Variants in ANKRD31 observed in about 807,000 individuals in gnomAD.
ANKRD31 encodes ankyrin repeat domain-containing protein 31.
In ANKRD31, 147 loss-of-function variants were observed where a neutral mutation model predicts 186.0. That is an observed-to-expected ratio of 0.79 (90% CI 0.69 to 0.91). The LOEUF is 0.91. ANKRD31 is among the 40% of genes least tolerant of loss of function. The pLI, the probability that ANKRD31 is intolerant of heterozygous loss-of-function variation, is 0.00. For synonymous variants in ANKRD31, 673 were observed against 736.4 expected (o/e 0.91, Z 1.39); for missense variants, 1,986 against 2,148.8 (o/e 0.92, Z 1.50).
At chr5:75,205,641 A>T (rs1440979289) in intron 5 of ANKRD31, among the ~76,000 whole-genome samples, 2 of 152,214 alleles carry the variant, frequency 1.3e-5, no homozygotes, top group Non-Finnish European at 2.9e-5. Context: ...GTGGTGGGCA[A>T]AAGTGGTACT....
intron 5 of ANKRD31, 27 bp from the exon 6 acceptor site, chr5:75,199,701 C>T: frequency 6.6e-7 from 1 of 1,525,204 alleles, no homozygotes; most frequent in Non-Finnish European, 8.8e-7. Context: ...TGTTTTCATT[C>T]CAGTTTTATG....
At chr5:75,198,470 A>G (rs560269426) in intron 6 of ANKRD31, among the ~76,000 whole-genome samples, 132 of 152,316 alleles carry the variant, frequency 8.7e-4, no homozygotes, top group Non-Finnish European at 1.6e-3. Context: ...GGTTGAGCAA[A>G]GTTAAACAAG....
intron 9 of ANKRD31, among the ~76,000 whole-genome samples, chr5:75,190,969 AT>A (rs1218301537): frequency 6.6e-6 from 1 of 151,974 alleles, no homozygotes; most frequent in East Asian, 1.9e-4. Context: ...TTTCCATACA[AT>A]TTTTTTAAAT....
intron 5 of ANKRD31, among the ~76,000 whole-genome samples, chr5:75,202,794 C>T (rs1755900748): frequency 6.6e-6 from 1 of 152,138 alleles, no homozygotes. Context: ...GCTTCTTGTT[C>T]TGAATACTCT....
intron 11 of ANKRD31, among the ~76,000 whole-genome samples, chr5:75,166,165 T>G (rs1489794110): frequency 1.3e-5 from 2 of 152,094 alleles, no homozygotes; most frequent in Non-Finnish European, 2.9e-5. Flanking sequence ...TATAATCAAT[T>G]TTCACAAGAG....
chr5:75,169,686 T>C (rs1486509377), intron 10 of ANKRD31, among the ~76,000 whole-genome samples: 1 of 152,208 alleles, frequency 6.6e-6, no homozygotes, highest in African/African-American at 2.4e-5. Context: ...GTTACAGATA[T>C]TTATTAAATT....
At chr5:75,151,861 G>A (rs1245804349) in intron 12 of ANKRD31, among the ~76,000 whole-genome samples, 1 of 151,970 alleles carries the variant, frequency 6.6e-6, no homozygotes. Context: ...CATAGGGCCT[G>A]AGCATTCTTT....
intron 16 of ANKRD31, 47 bp from the exon 17 acceptor site, chr5:75,138,045 A>G: frequency 7.9e-6 from 11 of 1,398,098 alleles, no homozygotes; most frequent in Non-Finnish European, 1.0e-5. Context: ...ATGCGAATCA[A>G]TACTCATGTA....
intron 22 of ANKRD31, among the ~76,000 whole-genome samples, chr5:75,095,965 G>C (rs1046433250): frequency 1.3e-5 from 2 of 152,092 alleles, no homozygotes; most frequent in Non-Finnish European, 2.9e-5. Context: ...ACTTTAACAA[G>C]GCACTATAAA....
chr5:75,091,275 A>G lies in ANKRD31; in HGVS notation c.5458T>C (p.Tyr1820His), dbSNP rs539068224. The G allele has an allele frequency of 5.9e-6, 9 of 1,536,352 alleles. No homozygotes were observed. In the East Asian group the frequency reaches 2.2e-4, roughly 38 times the overall value. The change falls in exon 23 of 26, where the codon TAT becomes CAT. Residue 1820 changes from tyrosine (Y) to histidine (H), a missense_variant. Transcript: ENST00000506364. ...GAATGACCCACCTTACTCCAAGCAT[A>G]ATTCCAGGTCACATAACTGTTGCCT... ...LGGNSYVTWN[Y>H]AWSKVTYLGK... is the part of the protein sequence containing the mutation.
chr5:75,189,493 C>T (rs956531592), intron 9 of ANKRD31, among the ~76,000 whole-genome samples: 4 of 152,112 alleles, frequency 2.6e-5, no homozygotes, highest in South Asian at 2.1e-4. Context: ...ACTGCCTTGC[C>T]GTTTGACTCC....
chr5:75,115,593 G>T (rs1217324147), intron 19 of ANKRD31, among the ~76,000 whole-genome samples: 46 of 151,788 alleles, frequency 3.0e-4, no homozygotes, highest in African/African-American at 1.1e-3. Flanking sequence ...CAAAAAGTGG[G>T]CAAAGGACAT....
chr5:75,209,843 C>A (rs923023491), intron 4 of ANKRD31, among the ~76,000 whole-genome samples: 3 of 152,088 alleles, frequency 2.0e-5, no homozygotes, highest in Non-Finnish European at 4.4e-5. Flanking sequence ...GTGAAACTGG[C>A]TTCTTTTTAT....
At chr5:75,160,285 TTC>T (rs1421465234) in intron 11 of ANKRD31, among the ~76,000 whole-genome samples, 1 of 152,156 alleles carries the variant, frequency 6.6e-6, no homozygotes, top group Non-Finnish European at 1.5e-5. Context: ...ATGAAGTCAG[TTC>T]TGATAACTTA....
intron 25 of ANKRD31, among the ~76,000 whole-genome samples, chr5:75,077,775 A>C (rs1744768324): frequency 1.3e-5 from 2 of 151,904 alleles, no homozygotes; most frequent in Non-Finnish European, 2.9e-5. Flanking sequence ...AATACGAAAA[A>C]TTAGCTGGGC....
At chr5:75,224,147 ATATATATATATATG>A (rs1346979732) in intron 2 of ANKRD31, among the ~76,000 whole-genome samples, 1,509 of 56,240 alleles carry the variant, frequency 0.027, 22 homozygotes, top group African/African-American at 0.07. Context: ...ATATATATAT[ATATATATATATATG>A]TATATATATA....
At chr5:75,155,402 T>C (rs1209995037) in intron 11 of ANKRD31, among the ~76,000 whole-genome samples, 1 of 152,178 alleles carries the variant, frequency 6.6e-6, no homozygotes, top group East Asian at 1.9e-4. Flanking sequence ...CATATCAGTG[T>C]AGACTACACT....
chr5:75,104,412 A>G lies in ANKRD31; in HGVS notation c.5147T>C (p.Val1716Ala), dbSNP rs1041602317. The change falls in exon 22 of 26, where the codon GTT becomes GCT. Residue 1716 changes from valine to alanine, a missense_variant. Transcript: ENST00000506364. ...GTCATCTGCACATGGAACAACAGAA[A>G]CTGATTTTTTAAGATATGGTTTCAT... is the stretch of plus-strand genomic sequence containing the variant. ...HQMKPYLKKS[V>A]SVVPCADDSQ... 2.0e-6 allele frequency: 3 copies of G among 1,537,034 alleles called. No individual in the cohort carries two copies. Among genetic ancestry groups the G allele is most frequent in the African/African-American group, 2.7e-5 (2 of 73,008 alleles).
chr5:75,151,640 T>G (rs1282982244), intron 12 of ANKRD31, among the ~76,000 whole-genome samples: 1 of 152,080 alleles, frequency 6.6e-6, no homozygotes, highest in Admixed American at 6.6e-5. Context: ...GTCTCAGGTA[T>G]GTCTATTAGC....
Sources: gnomAD v4.1 joint callset for allele counts (sites outside exome capture counted in the v4.1 genomes callset) on GRCh38, gnomAD v4.1.1 for gene constraint, MANE v1.5 for transcripts, NCBI Gene and HGNC (gene_info 2026-07-23, HGNC 2026-07-21) for gene names.